The following HERC1 variants were observed in gnomAD, a reference collection of about 807,000 sequenced individuals.
HERC1 encodes the protein probable E3 ubiquitin-protein ligase HERC1.
HERC1 carries 160 observed loss-of-function variants against 554.3 expected under a neutral mutation model. The ratio of observed to expected loss-of-function variants is 0.29; its 90% CI spans 0.25 to 0.33. The LOEUF (loss-of-function observed/expected upper bound fraction) is 0.33, where lower values mean the gene tolerates loss of function less well. Ranked by LOEUF, HERC1 falls within the 10% of genes least tolerant of loss-of-function variation. The pLI, the probability that HERC1 is intolerant of heterozygous loss-of-function variation, is 1.00. For synonymous variants in HERC1, 2,175 were observed against 2,131.7 expected (o/e 1.02, Z -0.56); for missense variants, 4,919 against 5,918.5 (o/e 0.83, Z 5.54).
intron 41 of HERC1, 35 bp from the exon 42 acceptor site, chr15:63,666,185 G>T: frequency 6.5e-7 from 1 of 1,548,502 alleles, no homozygotes; most frequent in Non-Finnish European, 8.8e-7. Flanking sequence ...TGCTGACTTT[G>T]GGCAAAGAAT....
chr15:63,638,396 T>TA lies in HERC1; in HGVS notation c.12093+14dup. 1 of 1,605,222 alleles carries TA rather than the reference T, an allele frequency of 6.2e-7. No homozygotes were observed. The highest frequency in any genetic ancestry group is 2.2e-5 in the East Asian group (1 of 44,844). On this transcript the variant is annotated intron_variant, in intron 63 of 77. Coordinates refer to ENST00000443617, the MANE Select transcript of HERC1 (RefSeq NM_003922.4). ...GTTCCCATGTTTCTTTTCTATTTTTTATCCTGTTAGTTACCTGTTGGGCCT... is the reference window on the plus strand; with the variant it reads ...GTTCCCATGTTTCTTTTCTATTTTTTAATCCTGTTAGTTACCTGTTGGGCCT...
At chr15:63,829,701 A>G (rs1270791075) in intron 1 of HERC1, among the ~76,000 whole-genome samples, 1 of 151,084 alleles carries the variant, frequency 6.6e-6, no homozygotes, top group African/African-American at 2.4e-5. Flanking sequence ...CTATTCTCCA[A>G]TAAAAGAAAC....
At chr15:63,638,360 T>C in intron 63 of HERC1, 51 bp downstream of exon 63, 1 of 1,574,198 alleles carries the variant, frequency 6.4e-7, no homozygotes. Flanking sequence ...GCAAAAGAAT[T>C]AGAATTTTCA....
intron 10 of HERC1, among the ~76,000 whole-genome samples, chr15:63,748,905 A>C (rs1447860056): frequency 6.6e-6 from 1 of 152,064 alleles, no homozygotes; most frequent in African/African-American, 2.4e-5. Flanking sequence ...TTTCGGAAAA[A>C]GCTAAGTTTC....
At chr15:63,618,527 CA>C (rs147857286) in intron 74 of HERC1, among the ~76,000 whole-genome samples, 97,903 of 150,296 alleles carry the variant, frequency 0.65, 33,260 homozygotes, top group African/African-American at 0.76. Context: ...TAGTTTTTTC[CA>C]ATTCTGTGAA....
At chr15:63,711,090 T>G (rs957095604) in intron 24 of HERC1, among the ~76,000 whole-genome samples, 2 of 152,050 alleles carry the variant, frequency 1.3e-5, no homozygotes, top group African/African-American at 4.8e-5. Flanking sequence ...TCCCAACACT[T>G]TGGGAGGCTG....
rs751836694 is a variant in HERC1, at chr15:63,659,840, C to T, written c.9320G>A (p.Arg3107His). The T allele has an allele frequency of 7.4e-6, 12 of 1,613,644 alleles. No individual in the cohort carries two copies. The highest frequency in any genetic ancestry group is 3.3e-5 in the Admixed American group (2 of 59,992). The change falls in exon 47 of 78, where the codon CGC becomes CAC. Residue 3107 changes from arginine to histidine, a missense_variant. This residue lies in a region of HERC1 where 1,963 missense variants were observed against 2,228.6 expected (regional missense o/e 0.88). Transcript: ENST00000443617. Reference protein sequence around the residue: ...LAGPLGLNDRRIVPEPVQFPD... With the variant: ...LAGPLGLNDRHIVPEPVQFPD... The stretch of plus-strand genomic sequence containing the variant: ...GAACTGAACTGGTTCTGGTACAATG[C>T]GCCGGTCATTTAAACCAAGCGGTCC...
chr15:63,713,539 C>A lies in HERC1; in HGVS notation c.4277G>T (p.Arg1426Met). ...DPPPQSQQER[R>M]VSTDLPEGQD... ...ACCCTCAGGAAGGTCTGTGCTGACC[C>A]TTCGCTCTTGCTGAGACTGAGGAGG... Residue 1426 changes from arginine (R) to methionine (M), a missense_variant, in exon 23 of 78, where the codon AGG (arginine) becomes ATG (methionine). Physicochemically the swap from Arg to Met is moderately conservative, Grantham distance 91 (BLOSUM62 -1). Around this residue, in one of 11 missense-constraint regions of HERC1, gnomAD observed 1,121 missense variants for 1,244.0 expected, o/e 0.90. Transcript: ENST00000443617. 6.2e-7 allele frequency: 1 copy of A among 1,613,994 alleles called. No individual in the cohort carries two copies.
intron 15 of HERC1, 54 bp from the exon 16 acceptor site, chr15:63,729,422 A>C (rs1237591869): frequency 6.3e-7 from 1 of 1,594,628 alleles, no homozygotes; most frequent in Non-Finnish European, 8.5e-7. Context: ...AAGGTGTAAA[A>C]ATATCATGGC....
Position 63,674,783 on chromosome 15 carries a change from C to T in HERC1, c.7405G>A (p.Asp2469Asn). 1 of 1,613,866 alleles carries T rather than the reference C, an allele frequency of 6.2e-7. No homozygotes were observed. Among genetic ancestry groups the T allele is most frequent in the East Asian group, 2.2e-5 (1 of 44,880 alleles). Reference protein sequence around the residue: ...SENEIASFSLDPTLPSVESQH... With the variant: ...SENEIASFSLNPTLPSVESQH... ...GATTCCACACTTGGCAGTGTTGGAT[C>T]TAAAGAAAATGAAGCGATTTCATTT... is the stretch of plus-strand genomic sequence containing the variant. The change falls in exon 38 of 78, where the codon GAT becomes AAT. Residue 2469 changes from aspartate (D) to asparagine (N), a missense_variant. Around this residue, in one of 11 missense-constraint regions of HERC1, gnomAD observed 1,963 missense variants for 2,228.6 expected, o/e 0.88. Transcript: ENST00000443617.
In HERC1 at chr15:63,608,947, TA is replaced by T. The variant is rs1224902591; in HGVS notation, c.*133del. ...ATTTCTTTGTTACATTTAGAGTAAC[TA>T]AATGTGGCCATTGTTTATAATGTTG... On this transcript the variant is annotated 3_prime_UTR_variant, in exon 78 of 78. Transcript: ENST00000443617. 7 of 692,954 alleles carry T rather than the reference TA, an allele frequency of 1.0e-5. No individual in the cohort carries two copies. Among genetic ancestry groups the T allele is most frequent in the African/African-American group, 9.2e-5 (5 of 54,340 alleles). The allele number at this position is 692,954 out of a possible 1,614,324, so 42.9% of individuals were successfully genotyped here.
intron 1 of HERC1, among the ~76,000 whole-genome samples, chr15:63,798,850 C>A (rs8027701): frequency 0.81 from 123,553 of 152,190 alleles, 51,995 homozygotes; most frequent in Non-Finnish European, 0.87. Context: ...GTTTTTTATA[C>A]GCCCTAAGCA....
In HERC1 at chr15:63,665,678, C is replaced by T. The variant is rs74452506; in HGVS notation, c.8555+241G>A. ...AATAAACTTGTTTCCTTTTTCAGTA[C>T]AATTTTACACAAAAATTATGAAATT... is the stretch of plus-strand genomic sequence containing the variant. On this transcript the variant is annotated intron_variant, in intron 42 of 77. Transcript: ENST00000443617. Among the ~76,000 whole-genome samples, 4,618 of 152,186 alleles carry T rather than the reference C, an allele frequency of 0.03. 224 individuals carry two copies. Among genetic ancestry groups the T allele is most frequent in the African/African-American group, 0.1 (4,350 of 41,492 alleles).
intron 55 of HERC1, among the ~76,000 whole-genome samples, chr15:63,647,031 G>C (rs2069387023): frequency 6.6e-6 from 1 of 152,080 alleles, no homozygotes; most frequent in Middle Eastern, 3.4e-3. Flanking sequence ...GAGGCAGGTG[G>C]ATCACTTGAG....
chr15:63,807,041 C>T (rs148998587), intron 1 of HERC1, among the ~76,000 whole-genome samples: 7 of 152,310 alleles, frequency 4.6e-5, no homozygotes, highest in Non-Finnish European at 7.3e-5. Context: ...CCACCACACC[C>T]GGCCTGAGTG....
chr15:63,790,943 A>G (rs2076632648), intron 1 of HERC1, among the ~76,000 whole-genome samples: 1 of 152,170 alleles, frequency 6.6e-6, no homozygotes, highest in Non-Finnish European at 1.5e-5. Context: ...ATAAAAACTG[A>G]AAGATATCTT....
At position 63,694,657 on chromosome 15, in the gene HERC1, T is replaced by G; in HGVS notation, c.5243-108A>C. 1 of 1,455,250 alleles carries G rather than the reference T, an allele frequency of 6.9e-7. No individual in the cohort carries two copies. The highest frequency in any genetic ancestry group is 9.6e-7 in the Non-Finnish European group (1 of 1,045,998). The allele number at this position is 1,455,250 out of a possible 1,614,324, so 90.1% of individuals were successfully genotyped here. A position where few individuals can be genotyped will look rare whatever the true frequency, so the allele number is the denominator to read the frequency against. ...TAACATGAAACACTAAATTATTTATTCTTTACCTATAAGTTTATCTACTAA... is the reference window on the plus strand; with the variant it reads ...TAACATGAAACACTAAATTATTTATGCTTTACCTATAAGTTTATCTACTAA... On this transcript the variant is annotated intron_variant, in intron 28 of 77. Transcript: ENST00000443617. The surrounding 1 kb of genome is among the most constrained non-coding windows in gnomAD (Gnocchi z 4.3).
intron 71 of HERC1, 45 bp downstream of exon 71, chr15:63,625,940 A>T (rs2068283801): frequency 6.4e-7 from 1 of 1,571,588 alleles, no homozygotes; most frequent in Non-Finnish European, 8.6e-7. Context: ...GGCACTGCTT[A>T]CCAAGCCAGT....
At position 63,723,251 on chromosome 15, in the gene HERC1, C is replaced by T. The variant is rs766692417; in HGVS notation, c.3673G>A (p.Ala1225Thr). 3 of 1,599,892 alleles carry T rather than the reference C, an allele frequency of 1.9e-6. No homozygotes were observed. The highest frequency in any genetic ancestry group is 2.6e-6 in the Non-Finnish European group (3 of 1,172,366). The change falls in exon 19 of 78, where the codon GCA (alanine) becomes ACA (threonine). Residue 1225 changes from alanine (A) to threonine (T), a missense_variant. Ala to Thr is a moderately conservative substitution (Grantham distance 58, BLOSUM62 0). Coordinates refer to ENST00000443617, the MANE Select transcript of HERC1 (RefSeq NM_003922.4). Reference protein sequence around the residue: ...RPEIAVYVDLALGCSKEPARS... With the variant: ...RPEIAVYVDLTLGCSKEPARS... ...GCAGGCTCTTTAGAACAACCCAATG[C>T]CAAGTCTACATAGACAGCAATTTCA...
Sources: gnomAD v4.1 joint callset for allele counts (sites outside exome capture counted in the v4.1 genomes callset) on GRCh38, gnomAD v4.1.1 for gene constraint, gnomAD v4.1.1 regional missense constraint, Gnocchi (gnomAD v3.1) non-coding constraint, MANE v1.5 for transcripts, NCBI Gene and HGNC (gene_info 2026-07-23, HGNC 2026-07-21) for gene names.